Variants in PCBP3 observed in about 807,000 individuals in gnomAD.
PCBP3 encodes poly(rC)-binding protein 3.
PCBP3 carries 25 observed loss-of-function variants against 52.7 expected under a neutral mutation model. That is an observed-to-expected ratio of 0.47 (90% confidence interval 0.35 to 0.66). PCBP3 has a LOEUF of 0.66. Among genes scored for constraint, PCBP3 ranks in the 30% least tolerant of loss-of-function variants. The pLI, the probability that PCBP3 is intolerant of heterozygous loss-of-function variation, is 0.01. For synonymous variants in PCBP3, 162 were observed against 183.0 expected (o/e 0.89, Z 0.93); for missense variants, 391 against 490.3 (o/e 0.80, Z 1.91).
At position 45,745,962 on chromosome 21, in the gene PCBP3, C is replaced by T. The variant is rs148003794; in HGVS notation, c.-161-9455C>T. Among the ~76,000 whole-genome samples the T allele has an allele frequency of 2.7e-3, 414 of 150,578 alleles. 7 individuals are homozygous for T. The highest frequency in any genetic ancestry group is 9.8e-3 in the African/African-American group (396 of 40,586). On this transcript the variant is annotated intron_variant, in intron 3 of 17. Transcript: ENST00000681687. The stretch of plus-strand genomic sequence containing the variant: ...GCGCCACACGGTGTTGTGTCAGCAT[C>T]GCTGTGTCAGTCCATTGACGTAGCG...
intron 4 of PCBP3, among the ~76,000 whole-genome samples, chr21:45,847,380 C>T (rs1175854032): frequency 6.6e-6 from 1 of 152,166 alleles, no homozygotes; most frequent in African/African-American, 2.4e-5. Flanking sequence ...GAAGCTGTTT[C>T]ACAGCCCACC....
chr21:45,731,688 A>G (rs1292736394), intron 2 of PCBP3, among the ~76,000 whole-genome samples: 1 of 152,236 alleles, frequency 6.6e-6, no homozygotes, highest in African/African-American at 2.4e-5. Flanking sequence ...CTGTGTTTTC[A>G]GAGGTTGCTT....
At chr21:45,722,879 GGCGTTCACCT>G (rs977736359) in intron 2 of PCBP3, among the ~76,000 whole-genome samples, 1 of 151,842 alleles carries the variant, frequency 6.6e-6, no homozygotes, top group Admixed American at 6.6e-5. Flanking sequence ...TGGGCGTGGT[GGCGTTCACCT>G]GTAGTCCCAA....
intron 4 of PCBP3, among the ~76,000 whole-genome samples, chr21:45,803,698 A>C (rs2092392007): frequency 6.6e-6 from 1 of 152,198 alleles, no homozygotes; most frequent in African/African-American, 2.4e-5. Flanking sequence ...CAAGCTGGGC[A>C]TGAACCTGGG....
chr21:45,882,465 T>TC (rs757625340), intron 5 of PCBP3, among the ~76,000 whole-genome samples: 8 of 152,236 alleles, frequency 5.3e-5, no homozygotes, highest in Non-Finnish European at 1.0e-4. Flanking sequence ...CAGTTTTTTT[T>TC]CCAGTTCCCT....
intron 12 of PCBP3, chr21:45,915,290 C>T (rs1448914878): frequency 1.3e-5 from 2 of 152,186 alleles, no homozygotes; most frequent in Non-Finnish European, 2.9e-5. Flanking sequence ...CTTACCTCGC[C>T]GACCTAGGGG....
intron 2 of PCBP3, among the ~76,000 whole-genome samples, chr21:45,721,105 T>C (rs1323495971): frequency 1.3e-5 from 2 of 152,216 alleles, no homozygotes. Flanking sequence ...CCAAAAATTT[T>C]TGCATGTTTA....
chr21:45,779,285 T>C (rs1038482450), intron 4 of PCBP3, among the ~76,000 whole-genome samples: 1 of 152,184 alleles, frequency 6.6e-6, no homozygotes, highest in Non-Finnish European at 1.5e-5. Flanking sequence ...TTTTCAGGGC[T>C]GGTGAGGGTT....
intron 5 of PCBP3, chr21:45,893,659 C>A: frequency 1.2e-6 from 1 of 812,432 alleles, no homozygotes; most frequent in Non-Finnish European, 1.5e-6. Context: ...GATGACTGTG[C>A]CTGTCCCTTC....
chr21:45,873,438 T>C (rs1040938661), intron 5 of PCBP3: 2 of 152,232 alleles, frequency 1.3e-5, no homozygotes, highest in Non-Finnish European at 2.9e-5. Context: ...TCAGCCTTTT[T>C]CTTAACAGTC....
At chr21:45,931,741 AAATG>A (rs1199083342) in intron 15 of PCBP3, among the ~76,000 whole-genome samples, 2 of 152,044 alleles carry the variant, frequency 1.3e-5, no homozygotes, top group African/African-American at 4.8e-5. Context: ...TGCCGTCCTG[AAATG>A]AATGAACACA....
At position 45,767,599 on chromosome 21, in the gene PCBP3, C is replaced by T. The variant is rs185603045; in HGVS notation, c.-126+12147C>T. Among the ~76,000 whole-genome samples the T allele has an allele frequency of 2.6e-5, 4 of 152,348 alleles. No individual in the cohort carries two copies. The East Asian group carries it at 7.7e-4, about 29-fold the overall frequency. ...GTTAACTGACTGAGGAACCACCAGACCGTTTTCCACAGCAGCCGCACTGCA... is the reference window on the plus strand; with the variant it reads ...GTTAACTGACTGAGGAACCACCAGATCGTTTTCCACAGCAGCCGCACTGCA... On this transcript the variant is annotated intron_variant, in intron 4 of 17. Coordinates refer to ENST00000681687, the MANE Select transcript of PCBP3 (RefSeq NM_001384156.1).
chr21:45,879,089 G>A (rs2095338293), intron 5 of PCBP3, among the ~76,000 whole-genome samples: 1 of 152,110 alleles, frequency 6.6e-6, no homozygotes. Context: ...AGGCTCAAGC[G>A]ATCCTCCCAT....
chr21:45,834,830 C>T (rs1484514370), intron 4 of PCBP3, among the ~76,000 whole-genome samples: 2 of 152,254 alleles, frequency 1.3e-5, no homozygotes, highest in African/African-American at 4.8e-5. Context: ...TCACCTGGCA[C>T]GCTTTTCGGC....
At chr21:45,667,678 A>G (rs1184359150) in intron 1 of PCBP3, among the ~76,000 whole-genome samples, 1 of 152,012 alleles carries the variant, frequency 6.6e-6, no homozygotes, top group Non-Finnish European at 1.5e-5. Context: ...AACAGTTTCT[A>G]TTGATTGCTT....
intron 2 of PCBP3, among the ~76,000 whole-genome samples, chr21:45,672,233 CAAG>C (rs926412689): frequency 6.6e-6 from 1 of 152,152 alleles, no homozygotes; most frequent in African/African-American, 2.4e-5. Context: ...TCCCCACCAG[CAAG>C]AAGATCCTCA....
At chr21:45,930,950 A>T (rs2076099830) in intron 15 of PCBP3, 105 bp downstream of exon 15, 1 of 1,504,016 alleles carries the variant, frequency 6.6e-7, no homozygotes, top group Non-Finnish European at 9.0e-7. Context: ...TCCAGCTTCC[A>T]TGGGAGGCTG....
chr21:45,686,518 A>T (rs979347204), intron 2 of PCBP3, among the ~76,000 whole-genome samples: 1 of 152,240 alleles, frequency 6.6e-6, no homozygotes, highest in African/African-American at 2.4e-5. Context: ...GTCTACAGTC[A>T]TCTAAAGCTA....
At chr21:45,898,021 C>T (rs1052479215) in intron 6 of PCBP3, among the ~76,000 whole-genome samples, 48 of 152,160 alleles carry the variant, frequency 3.2e-4, no homozygotes, top group African/African-American at 1.1e-3. Flanking sequence ...CCTAGATTTC[C>T]GGGAAGACAC....
Sources: gnomAD v4.1 joint callset for allele counts (sites outside exome capture counted in the v4.1 genomes callset) on GRCh38, gnomAD v4.1.1 for gene constraint, MANE v1.5 for transcripts, NCBI Gene and HGNC (gene_info 2026-07-23, HGNC 2026-07-21) for gene names.